DOP1B: variants seen among roughly 807,000 people sequenced by gnomAD.
DOP1B encodes the protein DOP1 leucine zipper like protein B, also known as protein DOP1B.
A neutral mutation model predicts 233.5 loss-of-function variants in DOP1B; 174 were observed. The observed-to-expected ratio is 0.75, with a 90% CI of 0.66 to 0.85. The LOEUF is 0.85. Among genes scored for constraint, DOP1B ranks in the 40% least tolerant of loss-of-function variants. DOP1B has a pLI of 0.00. For synonymous variants in DOP1B, 1,190 were observed against 1,185.6 expected (o/e 1.00, Z -0.08); for missense variants, 2,652 against 2,846.6 (o/e 0.93, Z 1.56).
intron 2 of DOP1B, among the ~76,000 whole-genome samples, chr21:36,185,928 C>A (rs971346053): frequency 6.6e-6 from 1 of 152,184 alleles, no homozygotes; most frequent in African/African-American, 2.4e-5. Flanking sequence ...CTGGGCCGGG[C>A]GTGGTGGCTC....
chr21:36,288,462 G>A lies in DOP1B; in HGVS notation c.6298-294G>A, dbSNP rs140732665. Among the ~76,000 whole-genome samples the A allele has an allele frequency of 3.8e-3, 573 of 152,236 alleles. 1 individual carries two copies. Among genetic ancestry groups the A allele is most frequent in the African/African-American group, 0.013 (541 of 41,550 alleles). ...AATCCCAGCACTTCGGGAGGCTAAG[G>A]TGGATGGATCACTTGAGCCCAGGAG... On this transcript the variant is annotated intron_variant, in intron 33 of 36. Coordinates refer to ENST00000691173, the MANE Select transcript of DOP1B (RefSeq NM_001320714.2).
At chr21:36,160,876 G>A (rs868319143) in intron 1 of DOP1B, among the ~76,000 whole-genome samples, 1 of 152,226 alleles carries the variant, frequency 6.6e-6, no homozygotes, top group African/African-American at 2.4e-5. Context: ...CTGGAAAGGG[G>A]CAAGTGTGGG....
chr21:36,239,467 C>T (rs1280108301), intron 17 of DOP1B, among the ~76,000 whole-genome samples: 1 of 152,232 alleles, frequency 6.6e-6, no homozygotes, highest in African/African-American at 2.4e-5. Context: ...TGAGGCCAGG[C>T]ACTCGGCCTT....
At chr21:36,200,238 T>G in intron 3 of DOP1B, 93 bp from the exon 4 acceptor site, 5 of 1,465,942 alleles carry the variant, frequency 3.4e-6, no homozygotes, top group Non-Finnish European at 4.5e-6. Flanking sequence ...GCCAGCTGTT[T>G]GCTTGTGAAA....
intron 9 of DOP1B, among the ~76,000 whole-genome samples, chr21:36,215,367 C>T (rs2066546684): frequency 6.6e-6 from 1 of 152,070 alleles, no homozygotes; most frequent in Admixed American, 6.6e-5. Flanking sequence ...AGAAAAGTGA[C>T]CTTCTCTCAC....
chr21:36,249,709 T>A (rs2067011498), intron 21 of DOP1B, among the ~76,000 whole-genome samples: 1 of 152,150 alleles, frequency 6.6e-6, no homozygotes, highest in Admixed American at 6.5e-5. Flanking sequence ...ACTCGGTCGC[T>A]CACCATCTGT....
At chr21:36,288,434 T>C (rs62229362) in intron 33 of DOP1B, among the ~76,000 whole-genome samples, 62,917 of 151,934 alleles carry the variant, frequency 0.41, 13,136 homozygotes, top group Middle Eastern at 0.51. Context: ...AGCTTATGCC[T>C]GTAATCCCAG....
At chr21:36,230,187 A>T (rs2066742752) in intron 13 of DOP1B, among the ~76,000 whole-genome samples, 1 of 152,144 alleles carries the variant, frequency 6.6e-6, no homozygotes, top group South Asian at 2.1e-4. Flanking sequence ...ATATATTTAG[A>T]CAAAAACACA....
chr21:36,282,819 T>C (rs948790206), intron 32 of DOP1B, among the ~76,000 whole-genome samples: 1 of 151,726 alleles, frequency 6.6e-6, no homozygotes, highest in Non-Finnish European at 1.5e-5. Context: ...CTACTAAAAA[T>C]ACAAAAATAA....
chr21:36,230,405 T>G (rs749973997), intron 13 of DOP1B, 45 bp from the exon 14 acceptor site: 2 of 1,544,506 alleles, frequency 1.3e-6, no homozygotes. Flanking sequence ...CTTAAATAGC[T>G]TGGTGTTAAG....
chr21:36,216,437 C>G (rs2066559862), intron 9 of DOP1B, among the ~76,000 whole-genome samples: 1 of 151,954 alleles, frequency 6.6e-6, no homozygotes. Flanking sequence ...ATAGTGAAAC[C>G]CCATTCCTAC....
intron 1 of DOP1B, among the ~76,000 whole-genome samples, chr21:36,160,675 G>A (rs534680965): frequency 3.7e-4 from 56 of 151,954 alleles, no homozygotes; most frequent in Non-Finnish European, 5.3e-4. Context: ...ACGGGGTTTC[G>A]CCATGTTGGC....
chr21:36,230,618 G>A lies in DOP1B; in HGVS notation c.1834G>A (p.Glu612Lys). The stretch of plus-strand genomic sequence containing the variant: ...CTTGAGGGTTCCTCGAGTTTCTCTG[G>A]AAAGGGACGACGTTTGGAAGAAGGG... ...EHLRVPRVSLERDDVWKKGGS... is the reference protein window; with the variant it reads ...EHLRVPRVSLKRDDVWKKGGS... The change falls in exon 14 of 37, where the codon GAA becomes AAA. Residue 612 changes from glutamate to lysine, a missense_variant. Around this residue, in one of 3 missense-constraint regions of DOP1B, gnomAD observed 2,617 missense variants for 2,794.3 expected, o/e 0.94. Transcript: ENST00000691173. The A allele has an allele frequency of 6.2e-7, 1 of 1,614,208 alleles. No homozygotes were observed. The highest frequency in any genetic ancestry group is 8.5e-7 in the Non-Finnish European group (1 of 1,180,046).
chr21:36,165,423 C>T (rs1272136899), intron 2 of DOP1B, among the ~76,000 whole-genome samples: 6 of 151,840 alleles, frequency 4.0e-5, no homozygotes, highest in Non-Finnish European at 7.4e-5. Flanking sequence ...TGTGTGCATA[C>T]GTGTGTGCAT....
At chr21:36,288,658 C>A in intron 33 of DOP1B, 98 bp from the exon 34 acceptor site, 2 of 889,400 alleles carry the variant, frequency 2.2e-6, no homozygotes, top group Non-Finnish European at 3.5e-6. Flanking sequence ...CTTATTCATT[C>A]ATTCATAAAT....
Position 36,225,548 on chromosome 21 carries a change from T to C in DOP1B, c.1371-17T>C, listed in dbSNP as rs1601425436. 6.2e-7 allele frequency: 1 copy of C among 1,613,946 alleles called. No homozygotes were observed. Among genetic ancestry groups the C allele is most frequent in the Non-Finnish European group, 8.5e-7 (1 of 1,179,890 alleles). On this transcript the variant is annotated splice_polypyrimidine_tract_variant and intron_variant, in intron 11 of 36. Coordinates refer to ENST00000691173, the MANE Select transcript of DOP1B (RefSeq NM_001320714.2). Reference sequence around the variant, plus strand: ...GCCTGGCCAAAGAATGGATTTTTTCTTTGCTGTGATTTATAGACCAGTGAA... The same window carrying C: ...GCCTGGCCAAAGAATGGATTTTTTCCTTGCTGTGATTTATAGACCAGTGAA...
chr21:36,171,815 G>C (rs1301083343), intron 2 of DOP1B, among the ~76,000 whole-genome samples: 2 of 152,188 alleles, frequency 1.3e-5, no homozygotes, highest in Non-Finnish European at 2.9e-5. Context: ...ACAGTGGTAG[G>C]ACAAGATCTG....
At position 36,233,896 on chromosome 21, in the gene DOP1B, C is replaced by A. The variant is rs1601433564; in HGVS notation, c.2622+821C>A. On this transcript the variant is annotated intron_variant, in intron 15 of 36. Transcript: ENST00000691173. ...TGAGACGGAGTCCCGCTCTGTCACC[C>A]AGGCTGGAGTGCAGTGGCACGATCT... Among the ~76,000 whole-genome samples, 5 of 152,274 alleles carry A rather than the reference C, an allele frequency of 3.3e-5. No individual in the cohort carries two copies. In the South Asian group the frequency reaches 1.0e-3, roughly 32 times the overall value.
intron 12 of DOP1B, 148 bp downstream of exon 12, chr21:36,225,815 A>T (rs992400615): frequency 1.2e-6 from 1 of 857,564 alleles, no homozygotes; most frequent in Non-Finnish European, 1.8e-6. Flanking sequence ...CATAAAAGAT[A>T]TAGCTGGATG....
Sources: allele counts gnomAD v4.1 joint callset (sites outside exome capture counted in the v4.1 genomes callset), GRCh38; gene constraint gnomAD v4.1.1; regional missense constraint gnomAD v4.1.1; transcripts MANE v1.5; gene names NCBI Gene and HGNC (gene_info 2026-07-23, HGNC 2026-07-21).